The following ABCA13 variants were observed in gnomAD, a reference collection of about 807,000 sequenced individuals.
ABCA13 encodes ATP binding cassette subfamily A member 13, also known as ATP-binding cassette sub-family A member 13.
A neutral mutation model predicts 478.7 loss-of-function variants in ABCA13; 476 were observed. The observed-to-expected ratio is 0.99, with a 90% CI of 0.92 to 1.07. The LOEUF (loss-of-function observed/expected upper bound fraction) is 1.07, where lower values mean the gene tolerates loss of function less well. Among genes scored for constraint, ABCA13 ranks in the 50% least tolerant of loss-of-function variants. The probability of loss-of-function intolerance (pLI) is 0.00; values close to 1 mark genes in which losing one functional copy is unlikely to be tolerated. For missense variants in ABCA13, 6,060 were observed against 5,910.6 expected, an observed-to-expected ratio of 1.03 and a Z score of -0.83; for synonymous variants, 2,252 against 2,158.9, an observed-to-expected ratio of 1.04 and a Z score of -1.20.
At chr7:48,248,605 A>G (rs1792059340) in intron 14 of ABCA13, among the ~76,000 whole-genome samples, 161 bp downstream of exon 14, 1 of 152,242 alleles carries the variant, frequency 6.6e-6, no homozygotes, top group Non-Finnish European at 1.5e-5. Context: ...ACTGTTGGAA[A>G]GCATCTAATA....
chr7:48,219,654 C>T (rs1787045262), intron 4 of ABCA13, 149 bp downstream of exon 4: 1 of 1,091,700 alleles, frequency 9.2e-7, no homozygotes, highest in Non-Finnish European at 1.3e-6. Context: ...AGGCCAGCAC[C>T]TGCAGACGGT....
intron 35 of ABCA13, among the ~76,000 whole-genome samples, chr7:48,385,261 T>C (rs1464938782): frequency 1.3e-5 from 2 of 152,144 alleles, no homozygotes; most frequent in Non-Finnish European, 2.9e-5. Context: ...CTAGTACCCA[T>C]CAGTTATTTT....
intron 59 of ABCA13, chr7:48,626,527 T>G (rs1430480124): frequency 1.2e-6 from 1 of 802,094 alleles, no homozygotes; most frequent in South Asian, 5.7e-5. Context: ...GGCAAAATAA[T>G]GGAGGAACAA....
At chr7:48,216,221 A>G (rs1786453649) in intron 3 of ABCA13, among the ~76,000 whole-genome samples, 1 of 152,208 alleles carries the variant, frequency 6.6e-6, no homozygotes, top group Non-Finnish European at 1.5e-5. Context: ...TCAGTGGTAG[A>G]AAGCTTCAAT....
chr7:48,182,604 A>G (rs185161638), intron 1 of ABCA13, among the ~76,000 whole-genome samples: 281 of 152,372 alleles, frequency 1.8e-3, no homozygotes, highest in African/African-American at 6.4e-3. Flanking sequence ...TTGAATGAAC[A>G]TTGAAAGAAA....
chr7:48,222,929 A>G (rs1341957056), intron 5 of ABCA13, among the ~76,000 whole-genome samples: 1 of 152,166 alleles, frequency 6.6e-6, no homozygotes, highest in Non-Finnish European at 1.5e-5. Context: ...GTAGGGAATC[A>G]GCTCATCCTT....
intron 4 of ABCA13, among the ~76,000 whole-genome samples, chr7:48,220,378 T>C (rs1283335177): frequency 2.0e-5 from 3 of 152,364 alleles, no homozygotes; most frequent in East Asian, 3.9e-4. Context: ...TTATTTCTAA[T>C]CTGAAATTGA....
intron 8 of ABCA13, among the ~76,000 whole-genome samples, chr7:48,238,948 A>C (rs557749827): frequency 6.6e-6 from 1 of 152,242 alleles, no homozygotes; most frequent in Non-Finnish European, 1.5e-5. Flanking sequence ...GGGCTGACCC[A>C]TGTTCACTTT....
intron 42 of ABCA13, among the ~76,000 whole-genome samples, chr7:48,445,494 T>G (rs935656616): frequency 1.3e-5 from 2 of 152,196 alleles, no homozygotes; most frequent in Non-Finnish European, 2.9e-5. Context: ...TCAAGCTCCT[T>G]CTTGCCCCCA....
chr7:48,500,613 T>C (rs573441122), intron 48 of ABCA13, among the ~76,000 whole-genome samples: 36 of 152,326 alleles, frequency 2.4e-4, no homozygotes, highest in African/African-American at 8.2e-4. Context: ...AAACATCTAA[T>C]GTAGTGATTG....
At position 48,206,118 on chromosome 7, in the gene ABCA13, G is replaced by GAT. The variant is rs553445048; in HGVS notation, c.287+7763_287+7764dup. 5.9e-5 allele frequency among the ~76,000 whole-genome samples: 9 copies of GAT among 152,222 alleles called. No homozygotes were observed. In the East Asian group the frequency reaches 1.7e-3, roughly 29 times the overall value. On this transcript the variant is annotated intron_variant, in intron 3 of 61. Transcript: ENST00000435803. Reference sequence around the variant, plus strand: ...TGCCTTTTCTAAATTTTATATAAAGGATATATCCTTGGTGTTTGGCTTCTT... The same window carrying GAT: ...TGCCTTTTCTAAATTTTATATAAAGGATATATATCCTTGGTGTTTGGCTTCTT...
intron 29 of ABCA13, among the ~76,000 whole-genome samples, chr7:48,347,291 A>G (rs1025326018): frequency 2.6e-5 from 4 of 152,238 alleles, no homozygotes; most frequent in Non-Finnish European, 5.9e-5. Flanking sequence ...TGAGTAGACT[A>G]GTACAATATA....
chr7:48,399,812 G>A (rs959734212), intron 38 of ABCA13, among the ~76,000 whole-genome samples: 1 of 152,130 alleles, frequency 6.6e-6, no homozygotes, highest in Non-Finnish European at 1.5e-5. Flanking sequence ...GCAGAGGTGG[G>A]GAAGGTCACA....
chr7:48,637,371 G>A (rs1586061658), intron 59 of ABCA13, among the ~76,000 whole-genome samples: 1 of 36,160 alleles, frequency 2.8e-5, no homozygotes, highest in Admixed American at 4.6e-4. Context: ...TCTTTATTAT[G>A]TTCATAAAGC....
intron 47 of ABCA13, among the ~76,000 whole-genome samples, chr7:48,488,587 C>T (rs950067771): frequency 6.6e-6 from 1 of 152,138 alleles, no homozygotes; most frequent in Non-Finnish European, 1.5e-5. Flanking sequence ...CAGTTGGAGT[C>T]ATCATACTTC....
At chr7:48,506,669 T>C (rs1400530078) in intron 49 of ABCA13, among the ~76,000 whole-genome samples, 1 of 152,218 alleles carries the variant, frequency 6.6e-6, no homozygotes, top group East Asian at 1.9e-4. Context: ...TACCAGAAAC[T>C]TATGGGACTG....
intron 59 of ABCA13, among the ~76,000 whole-genome samples, chr7:48,629,669 A>G: frequency 6.7e-6 from 1 of 149,780 alleles, no homozygotes; most frequent in Non-Finnish European, 1.5e-5. Flanking sequence ...TTTTATGGAG[A>G]TGGGCTGGCC....
chr7:48,330,622 C>T (rs1805218565), intron 27 of ABCA13, among the ~76,000 whole-genome samples: 1 of 151,526 alleles, frequency 6.6e-6, no homozygotes, highest in South Asian at 2.1e-4. Flanking sequence ...TCCATCCATC[C>T]ATTCATCTAT....
At position 48,352,358 on chromosome 7, in the gene ABCA13, A is replaced by G; in HGVS notation, c.10559A>G (p.Tyr3520Cys). 1 of 1,613,732 alleles carries G rather than the reference A, an allele frequency of 6.2e-7. No individual in the cohort carries two copies. Among genetic ancestry groups the G allele is most frequent in the Non-Finnish European group, 8.5e-7 (1 of 1,179,868 alleles). ...AATCTACCAGCTGATGGGTTCAAAT[A>G]TAACTACGTCTTTGCCCCACTGCAA... ...PQNLPADGFK[Y>C]NYVFAPLQDM... The change falls in exon 31 of 62, where the codon TAT (tyrosine) becomes TGT (cysteine). Residue 3520 changes from tyrosine to cysteine, a missense_variant. By Grantham distance (194) the Tyr-to-Cys change is radical. Transcript: ENST00000435803.
Sources: allele counts gnomAD v4.1 joint callset (sites outside exome capture counted in the v4.1 genomes callset), GRCh38; gene constraint gnomAD v4.1.1; transcripts MANE v1.5; gene names NCBI Gene and HGNC (gene_info 2026-07-23, HGNC 2026-07-21).